Variants in KAT14 observed in about 807,000 individuals in gnomAD.
The protein encoded by KAT14 is lysine acetyltransferase 14.
Under a neutral mutation model 78.4 loss-of-function variants are expected in KAT14, and 66 were observed. The observed-to-expected ratio is 0.84, with a 90% CI of 0.69 to 1.03. The LOEUF (loss-of-function observed/expected upper bound fraction) is 1.03, where lower values mean the gene tolerates loss of function less well. Ranked by LOEUF, KAT14 falls within the 50% of genes least tolerant of loss-of-function variation. The pLI, the probability that KAT14 is intolerant of heterozygous loss-of-function variation, is 0.00. For missense variants in KAT14, 870 were observed against 972.5 expected (o/e 0.89, Z 1.40); for synonymous variants, 344 against 359.4 (o/e 0.96, Z 0.48).
intron 7 of KAT14, among the ~76,000 whole-genome samples, chr20:18,177,803 G>T (rs116062280): frequency 7.9e-5 from 12 of 152,094 alleles, no homozygotes; most frequent in African/African-American, 2.9e-4. Flanking sequence ...AGCCCTAATT[G>T]TACATGTTCT....
chr20:18,172,538 A>G (rs138831356), intron 7 of KAT14, among the ~76,000 whole-genome samples: 29 of 152,072 alleles, frequency 1.9e-4, no homozygotes, highest in African/African-American at 7.0e-4. Context: ...ATGTGCTGGT[A>G]TTACAGGCAT....
At chr20:18,161,388 A>G (rs2038415393) in intron 5 of KAT14, among the ~76,000 whole-genome samples, 1 of 152,124 alleles carries the variant, frequency 6.6e-6, no homozygotes, top group Admixed American at 6.6e-5. Context: ...CCAGTAGGTG[A>G]AAGATAGTAT....
intron 5 of KAT14, among the ~76,000 whole-genome samples, chr20:18,160,471 A>G (rs767842710): frequency 7.0e-4 from 106 of 152,248 alleles, no homozygotes; most frequent in Non-Finnish European, 1.2e-3. Context: ...CCATGACAGT[A>G]CATGTAGATT....
intron 4 of KAT14, among the ~76,000 whole-genome samples, chr20:18,154,805 A>G (rs1002226229): frequency 3.3e-5 from 5 of 152,226 alleles, no homozygotes; most frequent in Non-Finnish European, 4.4e-5. Context: ...AGAGATGTCA[A>G]AATTTGCAAA....
At chr20:18,172,461 A>G (rs896295312) in intron 7 of KAT14, among the ~76,000 whole-genome samples, 4 of 151,796 alleles carry the variant, frequency 2.6e-5, no homozygotes, top group Admixed American at 2.6e-4. Flanking sequence ...TAGTGGCACA[A>G]TCATGGCTCA....
intron 2 of KAT14, among the ~76,000 whole-genome samples, chr20:18,143,358 T>C (rs565013309): frequency 6.6e-6 from 1 of 152,318 alleles, no homozygotes; most frequent in East Asian, 1.9e-4. Flanking sequence ...TGAAGGTGTT[T>C]TTTGCCCTTT....
At position 18,158,679 on chromosome 20, in the gene KAT14, G is replaced by T. The variant is rs2038306695; in HGVS notation, c.501-405G>T. 2.0e-5 allele frequency among the ~76,000 whole-genome samples: 3 copies of T among 152,164 alleles called. No individual in the cohort carries two copies. In the South Asian group the frequency reaches 6.2e-4, roughly 31 times the overall value. On this transcript the variant is annotated intron_variant, in intron 4 of 10. Coordinates refer to ENST00000688188, the MANE Select transcript of KAT14 (RefSeq NM_001392073.1). Reference sequence around the variant, plus strand: ...CTATCACAAAATGCCCAGCCTTGGAGTTACACTTTTTGTATGCTTTATTCT... The same window carrying T: ...CTATCACAAAATGCCCAGCCTTGGATTTACACTTTTTGTATGCTTTATTCT...
chr20:18,187,618 G>A lies in KAT14; in HGVS notation c.*159G>A. 1 of 1,229,274 alleles carries A rather than the reference G, an allele frequency of 8.1e-7. No homozygotes were observed. The highest frequency in any genetic ancestry group is 1.1e-6 in the Non-Finnish European group (1 of 911,600). The allele number at this position is 1,229,274 out of a possible 1,614,324, so 76.1% of individuals were successfully genotyped here. A position where few individuals can be genotyped will look rare whatever the true frequency, so the allele number is the denominator to read the frequency against. On this transcript the variant is annotated 3_prime_UTR_variant, in exon 11 of 11. Transcript: ENST00000688188. ...TGAGAAAAGCGGCATGCAGTGAAATGAGCAGTGAGCAGCCCTTTAGCAAAA... is the reference window on the plus strand; with the variant it reads ...TGAGAAAAGCGGCATGCAGTGAAATAAGCAGTGAGCAGCCCTTTAGCAAAA...
At chr20:18,150,755 T>A in intron 3 of KAT14, 66 bp from the exon 4 acceptor site, 1 of 1,601,894 alleles carries the variant, frequency 6.2e-7, no homozygotes, top group Non-Finnish European at 8.5e-7. Context: ...AAGAAGCTTT[T>A]CCCCCCTCAA....
At chr20:18,166,451 C>T (rs532544283) in intron 7 of KAT14, among the ~76,000 whole-genome samples, 9 of 152,240 alleles carry the variant, frequency 5.9e-5, no homozygotes, top group South Asian at 2.1e-4. Context: ...GCATGTCCAA[C>T]GGTTACAGAG....
intron 7 of KAT14, among the ~76,000 whole-genome samples, chr20:18,167,465 C>G (rs1408827327): frequency 6.6e-6 from 1 of 152,172 alleles, no homozygotes. Context: ...TGTATTTACA[C>G]AGGGAGTGGC....
chr20:18,144,182 C>G (rs1350258356), intron 2 of KAT14, among the ~76,000 whole-genome samples: 1 of 152,222 alleles, frequency 6.6e-6, no homozygotes, highest in African/African-American at 2.4e-5. Flanking sequence ...CAAATTTAGT[C>G]ACTGTTAACA....
At chr20:18,138,309 G>T in intron 1 of KAT14, 3 of 1,176,694 alleles carry the variant, frequency 2.5e-6, no homozygotes, top group Non-Finnish European at 3.1e-6. Flanking sequence ...TTGGAGCTCC[G>T]CGCTGAAGGG....
In KAT14 at chr20:18,141,045, TTATTTTTA is replaced by T. The variant is rs1383576597; in HGVS notation, c.-453-1161_-453-1154del. Among the ~76,000 whole-genome samples, 69 of 39,600 alleles carry T rather than the reference TTATTTTTA, an allele frequency of 1.7e-3. 1 individual carries two copies. Among genetic ancestry groups the T allele is most frequent in the African/African-American group, 4.8e-3 (64 of 13,412 alleles). The allele number at this position is 39,600 out of a possible 152,430, so 26.0% of individuals were successfully genotyped here. On this transcript the variant is annotated intron_variant, in intron 1 of 10. Coordinates refer to ENST00000688188, the MANE Select transcript of KAT14 (RefSeq NM_001392073.1). ...GCAATTTTTTTTTTTTTTTTTTTTT[TTATTTTTA>T]TTTTTGCTAGAGATGGGATTTTGCC...
In KAT14 at chr20:18,142,695, G is replaced by C; in HGVS notation, c.35G>C (p.Ser12Thr). ...AGCATCCACCTGAGTAGTCTGATCAGTCGGCATGATGACGAAGCCACGAGA... is the reference window on the plus strand; with the variant it reads ...AGCATCCACCTGAGTAGTCTGATCACTCGGCATGATGACGAAGCCACGAGA... ...DSSIHLSSLI[S>T]RHDDEATRTS... is the part of the protein sequence containing the mutation. Residue 12 changes from serine (S) to threonine (T), a missense_variant, in exon 2 of 11, where the codon AGT (serine) becomes ACT (threonine). Physicochemically the swap from Ser to Thr is moderately conservative, Grantham distance 58. Coordinates refer to ENST00000688188, the MANE Select transcript of KAT14 (RefSeq NM_001392073.1). 6.2e-7 allele frequency: 1 copy of C among 1,614,226 alleles called. No individual in the cohort carries two copies. The highest frequency in any genetic ancestry group is 8.5e-7 in the Non-Finnish European group (1 of 1,180,042).
intron 8 of KAT14, among the ~76,000 whole-genome samples, chr20:18,182,913 G>A (rs2039313901): frequency 6.6e-6 from 1 of 152,136 alleles, no homozygotes. Context: ...TCCCTGGTGG[G>A]TACAGAGGGC....
intron 10 of KAT14, among the ~76,000 whole-genome samples, chr20:18,185,562 C>G (rs1164784685): frequency 6.6e-6 from 1 of 152,152 alleles, no homozygotes; most frequent in Non-Finnish European, 1.5e-5. Flanking sequence ...CTGATATGAA[C>G]CTTCTAAGAT....
intron 9 of KAT14, 69 bp from the exon 10 acceptor site, chr20:18,184,533 T>A: frequency 6.9e-7 from 1 of 1,447,454 alleles, no homozygotes; most frequent in Non-Finnish European, 9.3e-7. Context: ...ATGTACATGC[T>A]GAACAGCTTG....
intron 4 of KAT14, among the ~76,000 whole-genome samples, chr20:18,151,978 G>A (rs1317891050): frequency 6.7e-6 from 1 of 149,932 alleles, no homozygotes; most frequent in Non-Finnish European, 1.5e-5. Flanking sequence ...ACTCCAGCCT[G>A]GGCAACAGAG....
Sources: gnomAD v4.1 joint callset for allele counts (sites outside exome capture counted in the v4.1 genomes callset) on GRCh38, gnomAD v4.1.1 for gene constraint, MANE v1.5 for transcripts, NCBI Gene and HGNC (gene_info 2026-07-23, HGNC 2026-07-21) for gene names.